NELL1: variants seen among roughly 807,000 people sequenced by gnomAD.
The protein encoded by NELL1 is protein kinase C-binding protein NELL1.
A neutral mutation model predicts 107.4 loss-of-function variants in NELL1; 76 were observed. The observed-to-expected ratio is 0.71, with a 90% confidence interval of 0.59 to 0.86. The LOEUF (loss-of-function observed/expected upper bound fraction) is 0.86. NELL1 is among the 40% of genes least tolerant of loss of function. The pLI, the probability that NELL1 is intolerant of heterozygous loss-of-function variation, is 0.00. For missense variants in NELL1, 1,024 were observed against 1,005.5 expected (o/e 1.02, Z -0.25); for synonymous variants, 353 against 341.2 (o/e 1.03, Z -0.38).
Position 20,732,230 on chromosome 11 carries a change from C to T in NELL1, c.185-51450C>T, listed in dbSNP as rs76202203. Among the ~76,000 whole-genome samples, 645 of 152,224 alleles carry T rather than the reference C, an allele frequency of 4.2e-3. 6 individuals carry two copies. Among genetic ancestry groups the T allele is most frequent in the African/African-American group, 0.015 (604 of 41,544 alleles). ...CCTGAGACCTAGATAGAACTTTGCCCTTTCTTCCTGCCCATTCCCTCTTTG... is the reference window on the plus strand; with the variant it reads ...CCTGAGACCTAGATAGAACTTTGCCTTTTCTTCCTGCCCATTCCCTCTTTG... On this transcript the variant is annotated intron_variant, in intron 2 of 19. Coordinates refer to ENST00000357134, the MANE Select transcript of NELL1 (RefSeq NM_006157.5).
chr11:21,128,749 C>A (rs953574724), intron 13 of NELL1, among the ~76,000 whole-genome samples: 64 of 152,272 alleles, frequency 4.2e-4, no homozygotes, highest in African/African-American at 1.5e-3. Flanking sequence ...ATGACTGTTA[C>A]ATCACGGCCA....
chr11:21,034,919 CA>C (rs1853050744), intron 12 of NELL1, among the ~76,000 whole-genome samples: 1 of 151,760 alleles, frequency 6.6e-6, no homozygotes, highest in South Asian at 2.1e-4. Flanking sequence ...GATTGAGACA[CA>C]AAAAAATTTA....
chr11:21,007,092 C>G (rs1382277239), intron 12 of NELL1, among the ~76,000 whole-genome samples: 1 of 152,068 alleles, frequency 6.6e-6, no homozygotes, highest in African/African-American at 2.4e-5. Context: ...TAGGCCTGTT[C>G]TCTTGAGCAA....
chr11:21,517,168 T>A (rs1234043194), intron 15 of NELL1, among the ~76,000 whole-genome samples: 1 of 148,274 alleles, frequency 6.7e-6, no homozygotes, highest in Admixed American at 6.9e-5. Context: ...CTAGGAAACC[T>A]TAGGCAAATC....
chr11:21,090,080 A>G (rs1854487094), intron 12 of NELL1, among the ~76,000 whole-genome samples: 1 of 152,106 alleles, frequency 6.6e-6, no homozygotes, highest in African/African-American at 2.4e-5. Context: ...CTTATTGGAG[A>G]TTAGTTTCCA....
intron 12 of NELL1, among the ~76,000 whole-genome samples, chr11:21,018,225 G>A (rs35541149): frequency 0.041 from 6,189 of 152,104 alleles, 189 homozygotes; most frequent in Middle Eastern, 0.12. Flanking sequence ...TTTCTAGCCC[G>A]GAAACTAGGA....
intron 15 of NELL1, among the ~76,000 whole-genome samples, chr11:21,409,024 G>A (rs1327694097): frequency 2.6e-5 from 4 of 151,934 alleles, no homozygotes; most frequent in Non-Finnish European, 4.4e-5. Context: ...TCAGTGTGGC[G>A]ATTCCTCAGG....
intron 12 of NELL1, among the ~76,000 whole-genome samples, chr11:21,109,141 C>T (rs1033427936): frequency 1.8e-4 from 28 of 152,102 alleles, no homozygotes; most frequent in African/African-American, 5.3e-4. Flanking sequence ...ATACCTACCA[C>T]GAGGAGTCAA....
chr11:21,054,409 T>C (rs1037759937), intron 12 of NELL1, among the ~76,000 whole-genome samples: 14 of 152,116 alleles, frequency 9.2e-5, no homozygotes, highest in African/African-American at 2.9e-4. Flanking sequence ...GATTATCTTG[T>C]ATATATATTT....
chr11:20,770,898 A>T (rs1348929204), intron 2 of NELL1: 1 of 151,152 alleles, frequency 6.6e-6, no homozygotes, highest in Non-Finnish European at 1.5e-5. Context: ...TTCTGATAGC[A>T]AGGTGAGAGG....
chr11:21,395,916 CA>C (rs1851970605), intron 15 of NELL1, among the ~76,000 whole-genome samples: 2 of 150,898 alleles, frequency 1.3e-5, no homozygotes, highest in East Asian at 2.0e-4. Flanking sequence ...AACAAAAAAA[CA>C]AAAAAAGATC....
chr11:21,161,106 A>G (rs1434835269), intron 13 of NELL1, among the ~76,000 whole-genome samples: 3 of 152,142 alleles, frequency 2.0e-5, no homozygotes, highest in Non-Finnish European at 2.9e-5. Flanking sequence ...ACTAAAAAGT[A>G]TCAGGAACAA....
intron 16 of NELL1, among the ~76,000 whole-genome samples, chr11:21,539,584 C>CCTCCTCT (rs1856238203): frequency 1.3e-5 from 2 of 151,516 alleles, no homozygotes; most frequent in South Asian, 4.2e-4. Context: ...TGTCCAGCAG[C>CCTCCTCT]CAGACACTCC....
chr11:21,575,039 T>G lies in NELL1; in HGVS notation c.*17T>G. On this transcript the variant is annotated 3_prime_UTR_variant, in exon 20 of 20. Transcript: ENST00000357134. ...AATAATTGAAGTATTTACAGTGGAC[T>G]CAACGCAGAAGAATGGACGAAATGA... 1 of 1,599,840 alleles carries G rather than the reference T, an allele frequency of 6.3e-7. No individual in the cohort carries two copies. Among genetic ancestry groups the G allele is most frequent in the Non-Finnish European group, 8.6e-7 (1 of 1,167,978 alleles).
At chr11:21,015,535 T>C (rs912829676) in intron 12 of NELL1, among the ~76,000 whole-genome samples, 1 of 152,140 alleles carries the variant, frequency 6.6e-6, no homozygotes, top group Non-Finnish European at 1.5e-5. Context: ...TAAGCTGTTA[T>C]ACTGAGGTGA....
At chr11:20,968,600 C>A (rs1015501436) in intron 12 of NELL1, among the ~76,000 whole-genome samples, 1 of 152,170 alleles carries the variant, frequency 6.6e-6, no homozygotes, top group Non-Finnish European at 1.5e-5. Flanking sequence ...TCCTTCACTA[C>A]ATGACAAGAG....
At chr11:20,814,065 G>A (rs1046690509) in intron 3 of NELL1, among the ~76,000 whole-genome samples, 4 of 151,402 alleles carry the variant, frequency 2.6e-5, no homozygotes, top group Admixed American at 2.0e-4. Flanking sequence ...GTGCGATCTC[G>A]GCTCACTGCA....
chr11:21,244,657 G>A (rs1341124582), intron 14 of NELL1, among the ~76,000 whole-genome samples: 1 of 152,162 alleles, frequency 6.6e-6, no homozygotes, highest in Non-Finnish European at 1.5e-5. Context: ...ACTTCTCTGA[G>A]TTTGCTCTCT....
intron 14 of NELL1, among the ~76,000 whole-genome samples, chr11:21,263,316 A>T (rs1351818959): frequency 6.6e-6 from 1 of 151,966 alleles, no homozygotes; most frequent in Non-Finnish European, 1.5e-5. Flanking sequence ...AGCTCTGTGC[A>T]ACTGGAGATG....
Sources: allele counts gnomAD v4.1 joint callset (sites outside exome capture counted in the v4.1 genomes callset), GRCh38; gene constraint gnomAD v4.1.1; transcripts MANE v1.5; gene names NCBI Gene and HGNC (gene_info 2026-07-23, HGNC 2026-07-21).